PREX2: variants seen among roughly 807,000 people sequenced by gnomAD.
PREX2 encodes the protein phosphatidylinositol-3,4,5-trisphosphate dependent Rac exchange factor 2.
PREX2 carries 107 observed loss-of-function variants against 203.2 expected under a neutral mutation model. That is an observed-to-expected ratio of 0.53 (90% CI 0.45 to 0.62). The LOEUF (loss-of-function observed/expected upper bound fraction) is 0.62. Among genes scored for constraint, PREX2 ranks in the 20% least tolerant of loss-of-function variants. The pLI is 0.00. For missense variants in PREX2, 1,777 were observed against 1,955.9 expected (o/e 0.91, Z 1.72); for synonymous variants, 672 against 663.6 (o/e 1.01, Z -0.19).
intron 7 of PREX2, among the ~76,000 whole-genome samples, chr8:68,042,589 T>C (rs951271640): frequency 6.6e-6 from 1 of 152,162 alleles, no homozygotes; most frequent in Non-Finnish European, 1.5e-5. Context: ...TCCTGAATTT[T>C]TCTACTATTG....
intron 1 of PREX2, among the ~76,000 whole-genome samples, chr8:67,959,280 C>T (rs371002583): frequency 1.3e-4 from 20 of 152,228 alleles, no homozygotes; most frequent in East Asian, 9.7e-4. Context: ...GAAGAGGTCG[C>T]TGGATCTGGC....
chr8:68,069,994 T>G, intron 13 of PREX2, 110 bp downstream of exon 13: 1 of 549,902 alleles, frequency 1.8e-6, no homozygotes, highest in South Asian at 3.2e-5. Flanking sequence ...TTTTTTCACT[T>G]TACTTTAAAA....
chr8:68,116,318 TTC>T (rs1316144954), intron 26 of PREX2, among the ~76,000 whole-genome samples: 2 of 152,292 alleles, frequency 1.3e-5, no homozygotes, highest in Non-Finnish European at 2.9e-5. Context: ...TGGCTCTTTT[TTC>T]TCTCTTTTCT....
intron 35 of PREX2, among the ~76,000 whole-genome samples, chr8:68,160,893 C>G (rs1184085328): frequency 6.6e-6 from 1 of 151,992 alleles, no homozygotes; most frequent in Admixed American, 6.6e-5. Flanking sequence ...TTTTTATTAT[C>G]TCATTAATAT....
intron 11 of PREX2, among the ~76,000 whole-genome samples, chr8:68,060,987 C>T (rs1384945655): frequency 1.3e-5 from 2 of 152,134 alleles, no homozygotes; most frequent in Admixed American, 6.5e-5. Context: ...TGAAGAGCTT[C>T]AATACAGGCA....
intron 18 of PREX2, among the ~76,000 whole-genome samples, chr8:68,084,773 C>T (rs747404260): frequency 6.6e-5 from 10 of 152,146 alleles, no homozygotes; most frequent in Non-Finnish European, 1.5e-4. Context: ...TGCCCACCTC[C>T]TGACACTTTG....
At chr8:68,073,150 A>G (rs1309405057) in intron 14 of PREX2, among the ~76,000 whole-genome samples, 1 of 151,592 alleles carries the variant, frequency 6.6e-6, no homozygotes, top group Non-Finnish European at 1.5e-5. Context: ...GAGACATTCA[A>G]CCATAAATTA....
chr8:68,220,714 TC>T (rs1812936837), intron 38 of PREX2, among the ~76,000 whole-genome samples: 2 of 152,166 alleles, frequency 1.3e-5, no homozygotes, highest in East Asian at 3.9e-4. Context: ...TAAGTCTTAC[TC>T]ATTTTTGTAT....
At chr8:67,987,433 C>T (rs1806467500) in intron 1 of PREX2, among the ~76,000 whole-genome samples, 1 of 152,086 alleles carries the variant, frequency 6.6e-6, no homozygotes, top group Non-Finnish European at 1.5e-5. Context: ...CTGCACAGGT[C>T]CAGGGGTTGT....
chr8:67,966,376 A>G (rs1465267779), intron 1 of PREX2, among the ~76,000 whole-genome samples: 1 of 151,838 alleles, frequency 6.6e-6, no homozygotes, highest in African/African-American at 2.4e-5. Context: ...CAACTCCTCT[A>G]TGATATTCTG....
At chr8:68,156,291 C>G (rs1811543165) in intron 34 of PREX2, among the ~76,000 whole-genome samples, 1 of 152,132 alleles carries the variant, frequency 6.6e-6, no homozygotes, top group Admixed American at 6.5e-5. Context: ...TTTTGAACTT[C>G]TGACCTCAAA....
intron 35 of PREX2, among the ~76,000 whole-genome samples, chr8:68,180,255 C>G (rs1812058916): frequency 6.6e-6 from 1 of 152,082 alleles, no homozygotes. Flanking sequence ...ACATCCTTGT[C>G]CTAGTGTGTT....
At chr8:68,215,295 C>T (rs946140533) in intron 37 of PREX2, among the ~76,000 whole-genome samples, 5 of 152,128 alleles carry the variant, frequency 3.3e-5, no homozygotes, top group Middle Eastern at 3.4e-3. Context: ...AGTGAGTACA[C>T]GAGAGATAAA....
At chr8:68,160,991 T>G (rs879532968) in intron 35 of PREX2, among the ~76,000 whole-genome samples, 4 of 152,204 alleles carry the variant, frequency 2.6e-5, no homozygotes, top group Non-Finnish European at 4.4e-5. Flanking sequence ...AATAAAACCT[T>G]ATAAACAAAT....
intron 1 of PREX2, among the ~76,000 whole-genome samples, chr8:68,010,594 A>G (rs897355891): frequency 9.2e-5 from 14 of 152,202 alleles, no homozygotes; most frequent in African/African-American, 3.1e-4. Flanking sequence ...CATTACCTGC[A>G]TGTAATCTTC....
rs1811090769 is a variant in PREX2, at chr8:68,135,144, GC to G, written c.3984+870del. 8.2e-5 allele frequency among the ~76,000 whole-genome samples: 10 copies of G among 121,226 alleles called. No individual in the cohort carries two copies. In the Admixed American group the frequency reaches 8.3e-4, roughly 10 times the overall value. The allele number at this position is 121,226 out of a possible 152,430, so 79.5% of individuals were successfully genotyped here. A position where few individuals can be genotyped will look rare whatever the true frequency, so the allele number is the denominator to read the frequency against. The stretch of plus-strand genomic sequence containing the variant: ...GTGTGTGAATTACATATGATAGGAA[GC>G]CTACTTTTTAACACATGGTAGGCAT... On this transcript the variant is annotated intron_variant, in intron 32 of 39. Coordinates refer to ENST00000288368, the MANE Select transcript of PREX2 (RefSeq NM_024870.4).
In PREX2 at chr8:68,017,936, C is replaced by T; in HGVS notation, c.213+19C>T. 6.2e-7 allele frequency: 1 copy of T among 1,600,030 alleles called. No individual in the cohort carries two copies. The highest frequency in any genetic ancestry group is 8.5e-7 in the Non-Finnish European group (1 of 1,169,968). On this transcript the variant is annotated intron_variant, in intron 2 of 39. Coordinates refer to ENST00000288368, the MANE Select transcript of PREX2 (RefSeq NM_024870.4). ...AGTGAAGGTGAGGAGGTACAACTGG[C>T]CTTCAACCTGAGCATGAGTTTCCTA...
Position 68,098,946 on chromosome 8 carries a change from A to G in PREX2, c.2554-736A>G, listed in dbSNP as rs904720030. On this transcript the variant is annotated intron_variant, in intron 22 of 39. Transcript: ENST00000288368. ...ATGCTACATATATATGTGTATATAT[A>G]TATATATATATATATATATATATAT... is the stretch of plus-strand genomic sequence containing the variant. 1.1e-3 allele frequency among the ~76,000 whole-genome samples: 85 copies of G among 76,038 alleles called. 1 individual carries two copies. The highest frequency in any genetic ancestry group is 2.8e-3 in the African/African-American group (75 of 26,642). 49.9% of individuals were successfully genotyped at this position (76,038 alleles called of 152,430 possible). A position where few individuals can be genotyped will look rare whatever the true frequency, so the allele number is the denominator to read the frequency against.
At chr8:68,062,708 T>C (rs573070408) in intron 11 of PREX2, among the ~76,000 whole-genome samples, 1 of 152,282 alleles carries the variant, frequency 6.6e-6, no homozygotes, top group African/African-American at 2.4e-5. Context: ...CTTTGACTTT[T>C]AGAAGCCCAT....
Sources: allele counts gnomAD v4.1 joint callset (sites outside exome capture counted in the v4.1 genomes callset), GRCh38; gene constraint gnomAD v4.1.1; transcripts MANE v1.5; gene names NCBI Gene and HGNC (gene_info 2026-07-23, HGNC 2026-07-21).